OPHN1: variants seen among roughly 807,000 people sequenced by gnomAD.
The protein encoded by OPHN1 is oligophrenin 1, also known as oligophrenin-1.
Under a neutral mutation model 60.7 loss-of-function variants are expected in OPHN1, and 11 were observed. That is an observed-to-expected ratio of 0.18 (90% confidence interval 0.11 to 0.30). OPHN1 has a LOEUF of 0.30. Ranked by LOEUF, OPHN1 falls within the 10% of genes least tolerant of loss-of-function variation. The pLI is 1.00. For missense variants in OPHN1, 449 were observed against 611.0 expected (o/e 0.73, Z 2.80); for synonymous variants, 226 against 222.6 (o/e 1.02, Z -0.14).
intron 20 of OPHN1, among the ~76,000 whole-genome samples, chrX:68,068,058 A>G (rs1482187615): frequency 3.6e-5 from 4 of 111,621 alleles, no homozygotes; most frequent in African/African-American, 1.3e-4. Flanking sequence ...TGAACATTAA[A>G]TGAGATTATG....
chrX:68,296,527 G>A (rs1037351083), intron 3 of OPHN1, among the ~76,000 whole-genome samples: 2 of 108,615 alleles, frequency 1.8e-5, no homozygotes, highest in African/African-American at 3.3e-5. Context: ...GCATCATGGC[G>A]GGTGCCTGTA....
intron 2 of OPHN1, among the ~76,000 whole-genome samples, chrX:68,409,397 G>A (rs1037655234): frequency 2.7e-5 from 3 of 111,489 alleles, no homozygotes; most frequent in Non-Finnish European, 5.6e-5. Context: ...AGGAGGAGTT[G>A]TGAACTGTCT....
chrX:68,059,880 A>C (rs769148438), intron 21 of OPHN1, among the ~76,000 whole-genome samples: 123 of 111,843 alleles, frequency 1.1e-3, no homozygotes, highest in Non-Finnish European at 1.7e-3. Context: ...TCCTTGCTCC[A>C]TGCTCCTACT....
At chrX:68,066,954 A>G (rs1046347177) in intron 20 of OPHN1, among the ~76,000 whole-genome samples, 1 of 112,350 alleles carries the variant, frequency 8.9e-6, no homozygotes, top group Non-Finnish European at 1.9e-5. Flanking sequence ...ACTACGAAGA[A>G]CTGGGAGTGA....
At chrX:68,333,630 C>T (rs1235971515) in intron 2 of OPHN1, among the ~76,000 whole-genome samples, 6 of 109,226 alleles carry the variant, frequency 5.5e-5, no homozygotes, top group Admixed American at 3.0e-4. Flanking sequence ...AGTGAAACTC[C>T]GTCTCAAAAT....
intron 2 of OPHN1, among the ~76,000 whole-genome samples, chrX:68,375,108 C>A (rs2078549869): frequency 8.9e-6 from 1 of 112,189 alleles, no homozygotes; most frequent in Non-Finnish European, 1.9e-5. Flanking sequence ...CAGTCCTGCC[C>A]ATGGGCATTT....
At chrX:68,143,716 C>T (rs1201470370) in intron 15 of OPHN1, among the ~76,000 whole-genome samples, 2 of 111,673 alleles carry the variant, frequency 1.8e-5, no homozygotes, top group African/African-American at 6.5e-5. Context: ...GACAACACTT[C>T]ATATGTGCTG....
intron 2 of OPHN1, among the ~76,000 whole-genome samples, chrX:68,354,972 G>A (rs999256414): frequency 9.0e-6 from 1 of 111,545 alleles, no homozygotes; most frequent in Non-Finnish European, 1.9e-5. Flanking sequence ...TCCAGATCCT[G>A]TCTTCATAAA....
At chrX:68,095,225 G>A (rs891597710) in intron 19 of OPHN1, among the ~76,000 whole-genome samples, 2 of 111,772 alleles carry the variant, frequency 1.8e-5, no homozygotes, top group African/African-American at 3.2e-5. Flanking sequence ...TTTGTTGGAT[G>A]AATCAATTGA....
At chrX:68,069,473 T>C (rs1447997904) in intron 20 of OPHN1, among the ~76,000 whole-genome samples, 2 of 111,595 alleles carry the variant, frequency 1.8e-5, no homozygotes, top group Non-Finnish European at 3.8e-5. Context: ...TCACCTCCTC[T>C]GTCAAAGAGT....
At chrX:68,315,257 G>GAAGA (rs888358794) in intron 2 of OPHN1, among the ~76,000 whole-genome samples, 4 of 107,184 alleles carry the variant, frequency 3.7e-5, no homozygotes, top group African/African-American at 1.4e-4. Context: ...GGAAGAAAGG[G>GAAGA]AAGAAAGAAA....
chrX:68,350,777 A>C (rs903949613), intron 2 of OPHN1, among the ~76,000 whole-genome samples: 1 of 109,480 alleles, frequency 9.1e-6, no homozygotes, highest in African/African-American at 3.3e-5. Context: ...TGGCCTACCA[A>C]GTGTTGGGAT....
intron 19 of OPHN1, among the ~76,000 whole-genome samples, chrX:68,083,363 C>T (rs1241718839): frequency 9.9e-5 from 11 of 111,003 alleles, no homozygotes; most frequent in African/African-American, 2.3e-4. Flanking sequence ...TGAGCCACCG[C>T]GCCCGGCCTC....
chrX:68,152,031 A>C (rs1197140466), intron 15 of OPHN1, among the ~76,000 whole-genome samples: 2 of 110,366 alleles, frequency 1.8e-5, no homozygotes, highest in African/African-American at 6.6e-5. Context: ...AAACAACCAG[A>C]TCTTGCGAGG....
chrX:68,251,258 C>T (rs1281367144), intron 5 of OPHN1, among the ~76,000 whole-genome samples: 1 of 97,037 alleles, frequency 1.0e-5, no homozygotes, highest in African/African-American at 3.9e-5. Context: ...GCAATCTCGG[C>T]TCACTGCAAT....
chrX:68,262,510 G>A lies in OPHN1; in HGVS notation c.384+12228C>T, dbSNP rs559858742. On this transcript the variant is annotated intron_variant, in intron 5 of 24. Coordinates refer to ENST00000355520, the MANE Select transcript of OPHN1 (RefSeq NM_002547.3). ...AAAAAAAACAAATGTCCAGCTGGGC[G>A]TGGTGGCTCACCCCTATAATCCCAG... Among the ~76,000 whole-genome samples the A allele has an allele frequency of 4.6e-3, 512 of 112,334 alleles. 2 individuals are homozygous for A. The highest frequency in any genetic ancestry group is 0.017 in the South Asian group (47 of 2,689).
rs771689885 is a variant in OPHN1 at position 68,252,029 on chromosome X, G to A, written c.385-17441C>T. Among the ~76,000 whole-genome samples the A allele has an allele frequency of 9.8e-5, 11 of 111,771 alleles. No homozygotes were observed. In the South Asian group the frequency reaches 4.1e-3, roughly 42 times the overall value. On this transcript the variant is annotated intron_variant, in intron 5 of 24. Transcript: ENST00000355520. Reference sequence around the variant, plus strand: ...TTTGTAAGGAAGCAATGGTAGGCTGGCTTTGAGCCTAGCTTTGAAAGACCT... The same window carrying A: ...TTTGTAAGGAAGCAATGGTAGGCTGACTTTGAGCCTAGCTTTGAAAGACCT...
At chrX:68,151,706 C>CT (rs944203737) in intron 15 of OPHN1, among the ~76,000 whole-genome samples, 15 of 111,780 alleles carry the variant, frequency 1.3e-4, no homozygotes, top group African/African-American at 4.6e-4. Flanking sequence ...CAATGTACTC[C>CT]TTCCCTCCCT....
At chrX:68,324,796 C>T (rs1438344969) in intron 2 of OPHN1, among the ~76,000 whole-genome samples, 3 of 108,939 alleles carry the variant, frequency 2.8e-5, no homozygotes, top group African/African-American at 1.0e-4. Context: ...AATCCCAACA[C>T]TTTGGGAGGC....
Sources: allele counts gnomAD v4.1 joint callset (sites outside exome capture counted in the v4.1 genomes callset), GRCh38; gene constraint gnomAD v4.1.1; transcripts MANE v1.5; gene names NCBI Gene and HGNC (gene_info 2026-07-23, HGNC 2026-07-21).